TMTC4: variants seen among roughly 807,000 people sequenced by gnomAD.
TMTC4 encodes transmembrane O-mannosyltransferase targeting cadherins 4, also known as protein O-mannosyl-transferase TMTC4.
A neutral mutation model predicts 86.0 loss-of-function variants in TMTC4; 65 were observed. That is an observed-to-expected ratio of 0.76 (90% confidence interval 0.62 to 0.93). The LOEUF (loss-of-function observed/expected upper bound fraction) is 0.93, where lower values mean the gene tolerates loss of function less well. Among genes scored for constraint, TMTC4 ranks in the 40% least tolerant of loss-of-function variants. The pLI is 0.00. For missense variants in TMTC4, 866 were observed against 948.1 expected, an observed-to-expected ratio of 0.91 and a Z score of 1.14; for synonymous variants, 379 against 382.5, an observed-to-expected ratio of 0.99 and a Z score of 0.11.
At chr13:100,637,145 C>A (rs1393160436) in intron 9 of TMTC4, among the ~76,000 whole-genome samples, 1 of 152,026 alleles carries the variant, frequency 6.6e-6, no homozygotes. Context: ...GATACCCTTG[C>A]CTTTAGAAAA....
At chr13:100,622,902 A>T (rs1360940373) in intron 15 of TMTC4, among the ~76,000 whole-genome samples, 2 of 152,124 alleles carry the variant, frequency 1.3e-5, no homozygotes, top group Non-Finnish European at 2.9e-5. Context: ...GCAGAGGGGG[A>T]AGGTCACATT....
At chr13:100,625,410 G>C in intron 15 of TMTC4, 125 bp downstream of exon 15, 1 of 1,301,668 alleles carries the variant, frequency 7.7e-7, no homozygotes, top group Non-Finnish European at 1.1e-6. Flanking sequence ...CTTCAAATGA[G>C]ATAGAAACAT....
chr13:100,620,206 A>G (rs1399931924), intron 15 of TMTC4, among the ~76,000 whole-genome samples: 1 of 152,198 alleles, frequency 6.6e-6, no homozygotes, highest in Non-Finnish European at 1.5e-5. Context: ...GTCTGCAACT[A>G]CATTTCCCAG....
intron 3 of TMTC4, 129 bp downstream of exon 3, chr13:100,668,450 G>A (rs771920645): frequency 1.9e-5 from 17 of 909,524 alleles, no homozygotes; most frequent in Admixed American, 1.1e-4. Context: ...GAGAAAAATC[G>A]AGAGCACCAT....
intron 13 of TMTC4, 58 bp from the exon 14 acceptor site, chr13:100,625,950 A>G: frequency 6.3e-7 from 1 of 1,597,286 alleles, no homozygotes; most frequent in South Asian, 1.1e-5. Flanking sequence ...AGTTTTTACT[A>G]AACTCTCAGG....
chr13:100,671,900 A>T (rs1887153690), intron 1 of TMTC4, among the ~76,000 whole-genome samples: 1 of 151,742 alleles, frequency 6.6e-6, no homozygotes, highest in African/African-American at 2.4e-5. Flanking sequence ...AAAAAGCTAC[A>T]ATTTGTTAGA....
At chr13:100,619,097 G>A (rs1348777907) in intron 15 of TMTC4, among the ~76,000 whole-genome samples, 3 of 147,578 alleles carry the variant, frequency 2.0e-5, no homozygotes, top group East Asian at 2.1e-4. Flanking sequence ...CCTCCCGGAC[G>A]GGGCGGCTGG....
rs780506209 is a variant in TMTC4 at position 100,670,411 on chromosome 13, T to C, written c.-49A>G. 6.3e-7 allele frequency: 1 copy of C among 1,592,666 alleles called. No individual in the cohort carries two copies. The highest frequency in any genetic ancestry group is 1.1e-5 in the South Asian group (1 of 87,082). On this transcript the variant is annotated 5_prime_UTR_variant, in exon 2 of 19. An upstream open reading frame in the 5' UTR loses its in-frame stop. Transcript: ENST00000342624. ...CAGGGGCCAGAAGGAGGCTCAGATT[T>C]ACAATCCAGAGATGAAACAGGCCGC...
chr13:100,618,624 G>T (rs1166151883), intron 15 of TMTC4, among the ~76,000 whole-genome samples: 1 of 152,028 alleles, frequency 6.6e-6, no homozygotes, highest in Non-Finnish European at 1.5e-5. Flanking sequence ...TTCCTAGGCA[G>T]AGGACCCTGC....
In TMTC4 at chr13:100,613,925, C is replaced by T. The variant is rs547714627; in HGVS notation, c.1951+391G>A. On this transcript the variant is annotated intron_variant, in intron 16 of 18. Transcript: ENST00000342624. Reference sequence around the variant, plus strand: ...CGTGATCTTGGCTCACTGCAACCTCCACCTCCTGGGTTCAAGCGATTCTCC... The same window carrying T: ...CGTGATCTTGGCTCACTGCAACCTCTACCTCCTGGGTTCAAGCGATTCTCC... 1.1e-3 allele frequency among the ~76,000 whole-genome samples: 172 copies of T among 150,184 alleles called. 3 individuals are homozygous for T. The South Asian group carries it at 0.036, about 32-fold the overall frequency.
intron 6 of TMTC4, among the ~76,000 whole-genome samples, chr13:100,655,452 C>T (rs1452292590): frequency 6.6e-6 from 1 of 152,170 alleles, no homozygotes; most frequent in Non-Finnish European, 1.5e-5. Context: ...TGAACGTTAA[C>T]AGTGAGGTAG....
chr13:100,643,849 G>A (rs996322399), intron 6 of TMTC4, among the ~76,000 whole-genome samples: 2 of 152,162 alleles, frequency 1.3e-5, no homozygotes, highest in African/African-American at 4.8e-5. Context: ...GTAGTCAAGT[G>A]GGTGGCTGAT....
chr13:100,657,351 C>G (rs1885238502), intron 5 of TMTC4, among the ~76,000 whole-genome samples: 1 of 152,212 alleles, frequency 6.6e-6, no homozygotes, highest in Non-Finnish European at 1.5e-5. Flanking sequence ...ACCTGGAAAG[C>G]TGAATGCTTC....
intron 15 of TMTC4, among the ~76,000 whole-genome samples, chr13:100,622,189 T>C (rs1255638571): frequency 6.6e-6 from 1 of 152,216 alleles, no homozygotes; most frequent in East Asian, 1.9e-4. Flanking sequence ...AAGGAATATC[T>C]TGCCATTAAT....
At chr13:100,607,563 A>G (rs1369576893) in intron 17 of TMTC4, among the ~76,000 whole-genome samples, 1 of 149,782 alleles carries the variant, frequency 6.7e-6, no homozygotes, top group Non-Finnish European at 1.5e-5. Context: ...TAACCAAACA[A>G]ATTTGTTGGT....
chr13:100,668,452 G>C, intron 3 of TMTC4, 127 bp downstream of exon 3: 1 of 921,500 alleles, frequency 1.1e-6, no homozygotes, highest in Non-Finnish European at 1.6e-6. Context: ...GAAAAATCGA[G>C]AGCACCATCG....
Position 100,604,962 on chromosome 13 carries a change from ACACT to A in TMTC4, c.*28_*31del. 6.2e-7 allele frequency: 1 copy of A among 1,608,032 alleles called. No homozygotes were observed. Among genetic ancestry groups the A allele is most frequent in the Non-Finnish European group, 8.5e-7 (1 of 1,177,416 alleles). On this transcript the variant is annotated 3_prime_UTR_variant, in exon 19 of 19. Transcript: ENST00000342624. ...TTAATGATATGCCTCATGCACACACACACTCAAACTCAAAACATGAAGGAAACAG... is the reference window on the plus strand; with the variant it reads ...TTAATGATATGCCTCATGCACACACACAAACTCAAAACATGAAGGAAACAG...
intron 12 of TMTC4, among the ~76,000 whole-genome samples, chr13:100,626,940 A>C (rs1288033097): frequency 3.3e-5 from 5 of 152,128 alleles, no homozygotes; most frequent in Non-Finnish European, 7.3e-5. Context: ...GAGGCCCATG[A>C]ATGGATCAGT....
intron 12 of TMTC4, among the ~76,000 whole-genome samples, chr13:100,626,769 T>C (rs1880611664): frequency 6.6e-6 from 1 of 152,234 alleles, no homozygotes; most frequent in Non-Finnish European, 1.5e-5. Context: ...CTTTCTTGGA[T>C]GGCACCTTTC....
Sources: allele counts gnomAD v4.1 joint callset (sites outside exome capture counted in the v4.1 genomes callset), GRCh38; gene constraint gnomAD v4.1.1; transcripts MANE v1.5; gene names NCBI Gene and HGNC (gene_info 2026-07-23, HGNC 2026-07-21).